Variants in GNG5 observed in about 807,000 individuals in gnomAD.
The protein encoded by GNG5 is guanine nucleotide-binding protein G(I)/G(S)/G(O) subunit gamma-5.
A neutral mutation model predicts 6.2 loss-of-function variants in GNG5; 2 were observed. That is an observed-to-expected ratio of 0.32 (90% CI 0.13 to 1.01). GNG5 has a LOEUF of 1.01. Ranked by LOEUF, GNG5 falls within the 50% of genes least tolerant of loss-of-function variation. The pLI is 0.48. For synonymous variants in GNG5, 24 were observed against 33.0 expected (o/e 0.73, Z 0.93); for missense variants, 57 against 80.2 (o/e 0.71, Z 1.10).
At position 84,506,277 on chromosome 1, in the gene GNG5, T is replaced by TCCACACCCGGCC. The variant is rs1682226484; in HGVS notation, c.-198_-187dup. 4.5e-6 allele frequency: 2 copies of TCCACACCCGGCC among 444,684 alleles called. No homozygotes were observed. The allele number at this position is 444,684 out of a possible 1,614,324, so 27.5% of individuals were successfully genotyped here. On this transcript the variant is annotated 5_prime_UTR_variant, in exon 2 of 4. Coordinates refer to ENST00000370645, the MANE Select transcript of GNG5 (RefSeq NM_005274.3). ...CGCCTTGCCAGCCCTCTGTTCCAGC[T>TCCACACCCGGCC]CCACACCCGGCCCCGAGCGCGAGCC...
intron 2 of GNG5, among the ~76,000 whole-genome samples, chr1:84,503,489 A>G (rs942676005): frequency 3.9e-5 from 6 of 152,196 alleles, no homozygotes; most frequent in African/African-American, 1.4e-4. Context: ...CTCCTATGTA[A>G]AAGAAGTATT....
At chr1:84,499,758 T>C (rs946322709) in intron 3 of GNG5, among the ~76,000 whole-genome samples, 3 of 152,168 alleles carry the variant, frequency 2.0e-5, no homozygotes, top group Admixed American at 6.5e-5. Flanking sequence ...TATTTTGTTT[T>C]GTGTAAAAGA....
chr1:84,505,201 T>A (rs1533374), intron 2 of GNG5, among the ~76,000 whole-genome samples: 79,583 of 152,080 alleles, frequency 0.52, 23,191 homozygotes, highest in East Asian at 0.77. Context: ...AGCACTTGAA[T>A]GTCAAGTTAT....
chr1:84,501,786 C>G, intron 3 of GNG5, 40 bp downstream of exon 3: 1 of 1,275,232 alleles, frequency 7.8e-7, no homozygotes, highest in East Asian at 2.3e-5. Context: ...CTAGTTATTC[C>G]TACAGTGTGG....
intron 3 of GNG5, among the ~76,000 whole-genome samples, chr1:84,498,930 A>C (rs1334886980): frequency 1.3e-5 from 2 of 152,228 alleles, no homozygotes; most frequent in Non-Finnish European, 2.9e-5. Context: ...ATAAACCCAG[A>C]CATAGAGAAA....
chr1:84,500,270 A>T (rs1182654964), intron 3 of GNG5, among the ~76,000 whole-genome samples: 1 of 152,204 alleles, frequency 6.6e-6, no homozygotes, highest in Non-Finnish European at 1.5e-5. Flanking sequence ...CAATGCTTTG[A>T]TGCCCAATTA....
chr1:84,498,980 A>G (rs764179130), intron 3 of GNG5, among the ~76,000 whole-genome samples: 33 of 152,212 alleles, frequency 2.2e-4, no homozygotes, highest in Admixed American at 7.9e-4. Flanking sequence ...TTTTAACAGC[A>G]AAGAACTGAA....
Position 84,506,179 on chromosome 1 carries a change from G to A in GNG5, c.-88C>T, listed in dbSNP as rs1682218962. ...CCAGACAACTCAGCGGCGCGCGGCGGGGGCGGGGCTCCGAACTTTGTCTCT... is the reference window on the plus strand; with the variant it reads ...CCAGACAACTCAGCGGCGCGCGGCGAGGGCGGGGCTCCGAACTTTGTCTCT... On this transcript the variant is annotated 5_prime_UTR_variant, in exon 2 of 4. Transcript: ENST00000370645. 1.9e-6 allele frequency: 2 copies of A among 1,065,694 alleles called. No homozygotes were observed. Among genetic ancestry groups the A allele is most frequent in the Non-Finnish European group, 2.6e-6 (2 of 758,758 alleles). 66.0% of individuals were successfully genotyped at this position (1,065,694 alleles called of 1,614,324 possible).
At chr1:84,502,199 C>T (rs890154928) in intron 2 of GNG5, among the ~76,000 whole-genome samples, 1 of 134,042 alleles carries the variant, frequency 7.5e-6, no homozygotes, top group Non-Finnish European at 1.5e-5. Context: ...TACAGTGGTG[C>T]GATCTCGGCT....
chr1:84,504,037 T>C (rs533932242), intron 2 of GNG5, among the ~76,000 whole-genome samples: 2 of 152,126 alleles, frequency 1.3e-5, no homozygotes, highest in South Asian at 4.2e-4. Flanking sequence ...ATCCAGGAGG[T>C]TGAAACCCTG....
At chr1:84,500,928 G>GT (rs1682045564) in intron 3 of GNG5, among the ~76,000 whole-genome samples, 1 of 152,144 alleles carries the variant, frequency 6.6e-6, no homozygotes, top group East Asian at 1.9e-4. Flanking sequence ...AGTACTATTA[G>GT]TTTAAGTTTG....
At chr1:84,499,999 G>A (rs1403994664) in intron 3 of GNG5, among the ~76,000 whole-genome samples, 1 of 152,130 alleles carries the variant, frequency 6.6e-6, no homozygotes, top group Non-Finnish European at 1.5e-5. Flanking sequence ...GGAAGCTGAG[G>A]CAGGAGCACT....
At chr1:84,499,962 G>T (rs1682022811) in intron 3 of GNG5, among the ~76,000 whole-genome samples, 1 of 152,198 alleles carries the variant, frequency 6.6e-6, no homozygotes, top group Non-Finnish European at 1.5e-5. Context: ...GGGCGTGGTG[G>T]TGTGCACCTG....
chr1:84,503,538 AAAG>A (rs1682099905), intron 2 of GNG5: 2 of 152,330 alleles, frequency 1.3e-5, no homozygotes, highest in Admixed American at 6.5e-5. Context: ...CCGCCTTCCA[AAAG>A]AAGTGTAGCT....
chr1:84,502,264 G>C (rs1268059283), intron 2 of GNG5, among the ~76,000 whole-genome samples: 1 of 151,110 alleles, frequency 6.6e-6, no homozygotes, highest in Non-Finnish European at 1.5e-5. Context: ...CTCCTGAGTA[G>C]CTGGGACTAC....
intron 1 of GNG5, 54 bp from the exon 2 acceptor site, chr1:84,506,355 G>A (rs536102042): frequency 2.3e-5 from 8 of 352,502 alleles, no homozygotes; most frequent in African/African-American, 1.7e-4. Context: ...GGCGGCTGCT[G>A]GAGGCTAGCG....
rs114036806 is a variant in GNG5, at chr1:84,504,573, T to G, written c.81+1438A>C. 3.7e-3 allele frequency among the ~76,000 whole-genome samples: 563 copies of G among 152,328 alleles called. 4 individuals are homozygous for G. Among genetic ancestry groups the G allele is most frequent in the African/African-American group, 0.012 (501 of 41,570 alleles). Reference sequence around the variant, plus strand: ...CATTTTTTTTTCTTGGTCCATCCTATCTATGATAAAGGCACACCTGAATGA... The same window carrying G: ...CATTTTTTTTTCTTGGTCCATCCTAGCTATGATAAAGGCACACCTGAATGA... On this transcript the variant is annotated intron_variant, in intron 2 of 3. Transcript: ENST00000370645.
At chr1:84,505,227 A>C (rs1682152404) in intron 2 of GNG5, among the ~76,000 whole-genome samples, 1 of 152,244 alleles carries the variant, frequency 6.6e-6, no homozygotes, top group Non-Finnish European at 1.5e-5. Context: ...CAACACAGAC[A>C]AAAGGCTTTT....
chr1:84,505,593 G>C (rs1018823232), intron 2 of GNG5, among the ~76,000 whole-genome samples: 1 of 152,224 alleles, frequency 6.6e-6, no homozygotes, highest in African/African-American at 2.4e-5. Flanking sequence ...AGTCTGCTCT[G>C]AATCAAAAGT....
Sources: gnomAD v4.1 joint callset for allele counts (sites outside exome capture counted in the v4.1 genomes callset) on GRCh38, gnomAD v4.1.1 for gene constraint, MANE v1.5 for transcripts, NCBI Gene and HGNC (gene_info 2026-07-23, HGNC 2026-07-21) for gene names.